The following NLRP5 variants were observed in gnomAD, a reference collection of about 807,000 sequenced individuals.
NLRP5 encodes the protein NACHT, LRR and PYD domains-containing protein 5.
Under a neutral mutation model 113.1 loss-of-function variants are expected in NLRP5, and 93 were observed. The observed-to-expected ratio is 0.82, with a 90% CI of 0.70 to 0.98. The LOEUF is 0.98. NLRP5 is among the 50% of genes least tolerant of loss of function. The pLI, the probability that NLRP5 is intolerant of heterozygous loss-of-function variation, is 0.00. For synonymous variants in NLRP5, 751 were observed against 600.7 expected (o/e 1.25, Z -3.66); for missense variants, 1,808 against 1,514.3 (o/e 1.19, Z -3.22).
intron 2 of NLRP5, 75 bp downstream of exon 2, chr19:56,004,170 C>T (rs1170630762): frequency 2.7e-6 from 4 of 1,463,486 alleles, no homozygotes; most frequent in Admixed American, 2.2e-5. Flanking sequence ...AGGGAAGAAT[C>T]GTTGTTCAGT....
Position 56,003,954 on chromosome 19 carries a change from A to G in NLRP5, c.301A>G (p.Ile101Val). The G allele has an allele frequency of 6.2e-7, 1 of 1,614,044 alleles. No homozygotes were observed. The highest frequency in any genetic ancestry group is 8.5e-7 in the Non-Finnish European group (1 of 1,179,888). The change falls in exon 2 of 15, where the codon ATC becomes GTC. Residue 101 changes from isoleucine to valine, a missense_variant. Physicochemically the swap from Ile to Val is conservative, Grantham distance 29. Coordinates refer to ENST00000390649, the MANE Select transcript of NLRP5 (RefSeq NM_153447.4). ...CACATGCTCTATTCCACAGTTTGAA[A>G]TCGAGAATGCCAACGTGGAATGTCT...
At chr19:56,008,965 T>A in intron 3 of NLRP5, 112 bp downstream of exon 3, 1 of 893,472 alleles carries the variant, frequency 1.1e-6, no homozygotes, top group Non-Finnish European at 1.8e-6. Context: ...TTCTTTCTAG[T>A]CTAACTACCC....
chr19:56,040,497 G>T (rs530586071), intron 10 of NLRP5, among the ~76,000 whole-genome samples: 81 of 152,302 alleles, frequency 5.3e-4, no homozygotes, highest in South Asian at 1.0e-3. Flanking sequence ...GAACCTGAGA[G>T]CAGAGGTTGC....
chr19:55,993,150 G>C, the NLRP5 span, among the ~76,000 whole-genome samples: 1 of 151,714 alleles, frequency 6.6e-6, no homozygotes. Flanking sequence ...CGCCCGGCCC[G>C]AGTGATATTT....
intron 3 of NLRP5, among the ~76,000 whole-genome samples, chr19:56,013,858 A>G (rs1982306416): frequency 6.6e-6 from 1 of 152,118 alleles, no homozygotes; most frequent in Non-Finnish European, 1.5e-5. Context: ...TAACCATCCT[A>G]GTAGTTATGA....
At chr19:56,053,616 C>A in intron 12 of NLRP5, 22 bp from the exon 13 acceptor site, 2 of 1,605,004 alleles carry the variant, frequency 1.2e-6, no homozygotes, top group Non-Finnish European at 8.5e-7. Context: ...GGCAGACTCT[C>A]TCTATTCCCC....
Position 56,061,575 on chromosome 19 carries a change from T to A in NLRP5, c.*47T>A. 6.2e-7 allele frequency: 1 copy of A among 1,608,124 alleles called. No homozygotes were observed. Among genetic ancestry groups the A allele is most frequent in the Non-Finnish European group, 8.5e-7 (1 of 1,175,830 alleles). ...TCACACCCATCTGATGGAGGAACTTTAAACGCTGTTTTCTCAGAGCAAGCT... is the reference window on the plus strand; with the variant it reads ...TCACACCCATCTGATGGAGGAACTTAAAACGCTGTTTTCTCAGAGCAAGCT... On this transcript the variant is annotated 3_prime_UTR_variant, in exon 15 of 15. Coordinates refer to ENST00000390649, the MANE Select transcript of NLRP5 (RefSeq NM_153447.4).
chr19:56,007,876 TGTGTGTGTGTGTGCGCGTGCGC>T (rs1435863037), intron 2 of NLRP5, among the ~76,000 whole-genome samples: 2 of 115,992 alleles, frequency 1.7e-5, no homozygotes, highest in Non-Finnish European at 3.8e-5. Flanking sequence ...AGTTTGTGTG[TGTGTGTGTGTGTGCGCGTGCGC>T]GCGTGCGTGT....
At chr19:56,043,421 T>C (rs1050292264) in intron 11 of NLRP5, among the ~76,000 whole-genome samples, 2 of 152,106 alleles carry the variant, frequency 1.3e-5, no homozygotes, top group African/African-American at 2.4e-5. Flanking sequence ...TCTATTCATG[T>C]CCTTAGCCCA....
intron 14 of NLRP5, among the ~76,000 whole-genome samples, chr19:56,059,621 G>T (rs999241458): frequency 6.6e-6 from 1 of 152,168 alleles, no homozygotes; most frequent in Non-Finnish European, 1.5e-5. Flanking sequence ...TGCAACCTCC[G>T]TCTCGCAGGT....
At chr19:55,999,403 A>G (rs1162155987), upstream of NLRP5, among the ~76,000 whole-genome samples, 1 of 151,830 alleles carries the variant, frequency 6.6e-6, no homozygotes, top group Non-Finnish European at 1.5e-5. Context: ...TTTAGTAGAA[A>G]TGGGGTTTCA....
At chr19:56,048,867 A>C (rs906520048) in intron 11 of NLRP5, among the ~76,000 whole-genome samples, 1 of 150,872 alleles carries the variant, frequency 6.6e-6, no homozygotes, top group Non-Finnish European at 1.5e-5. Context: ...TTAGGTTTGC[A>C]TTTAACATAA....
intron 11 of NLRP5, among the ~76,000 whole-genome samples, chr19:56,045,947 C>G (rs1983707205): frequency 6.6e-6 from 1 of 152,144 alleles, no homozygotes; most frequent in African/African-American, 2.4e-5. Context: ...CTCCAAGAGG[C>G]CTTCTGGATG....
intron 11 of NLRP5, among the ~76,000 whole-genome samples, chr19:56,048,213 G>C (rs1290755171): frequency 6.6e-6 from 1 of 152,180 alleles, no homozygotes; most frequent in African/African-American, 2.4e-5. Flanking sequence ...TTTACATTCA[G>C]TGTTAGGATG....
Position 56,005,642 on chromosome 19 carries a change from A to ACGCGCG in NLRP5, c.442+1549_442+1554dup, listed in dbSNP as rs147680527. ...TATATTTATACACACACACACACAC[A>ACGCGCG]CGCGCGCAGGTGGCATGCCTGCACA... is the stretch of plus-strand genomic sequence containing the variant. On this transcript the variant is annotated intron_variant, in intron 2 of 14. Transcript: ENST00000390649. Among the ~76,000 whole-genome samples, 52 of 142,120 alleles carry ACGCGCG rather than the reference A, an allele frequency of 3.7e-4. 1 individual carries two copies. Among genetic ancestry groups the ACGCGCG allele is most frequent in the African/African-American group, 1.2e-3 (44 of 36,620 alleles). The allele number at this position is 142,120 out of a possible 152,430, so 93.2% of individuals were successfully genotyped here. A position where few individuals can be genotyped will look rare whatever the true frequency, so the allele number is the denominator to read the frequency against.
chr19:55,989,219 GA>G, the NLRP5 span, among the ~76,000 whole-genome samples: 2 of 152,118 alleles, frequency 1.3e-5, no homozygotes, highest in African/African-American at 4.8e-5. Context: ...CTACTAAAAT[GA>G]TTTTTTAATG....
chr19:56,005,196 T>TATACAC (rs1168290976), intron 2 of NLRP5, among the ~76,000 whole-genome samples: 1 of 140,014 alleles, frequency 7.1e-6, no homozygotes, highest in Non-Finnish European at 1.5e-5. Flanking sequence ...CATATTTTTA[T>TATACAC]ATACACATAC....
At chr19:56,030,704 C>G (rs1021462038) in intron 7 of NLRP5, among the ~76,000 whole-genome samples, 5 of 46,534 alleles carry the variant, frequency 1.1e-4, no homozygotes, top group Non-Finnish European at 1.6e-4. Flanking sequence ...CATTCATTCG[C>G]TTTCTTCTTC....
rs770624516 is a variant in NLRP5, at chr19:56,030,714, C to CTT, written c.2277-1880_2277-1879dup. On this transcript the variant is annotated intron_variant, in intron 7 of 14. Transcript: ENST00000390649. ...ACTTACATTCATTCGCTTTCTTCTT[C>CTT]TTTTTTTTTTTTTTTTTTGAGACGG... Among the ~76,000 whole-genome samples, 29 of 71,356 alleles carry CTT rather than the reference C, an allele frequency of 4.1e-4. 3 individuals carry two copies. Among genetic ancestry groups the CTT allele is most frequent in the African/African-American group, 2.0e-3 (28 of 13,968 alleles). 46.8% of individuals were successfully genotyped at this position (71,356 alleles called of 152,430 possible). A position where few individuals can be genotyped will look rare whatever the true frequency, so the allele number is the denominator to read the frequency against.
Sources: allele counts gnomAD v4.1 joint callset (sites outside exome capture counted in the v4.1 genomes callset), GRCh38; gene constraint gnomAD v4.1.1; transcripts MANE v1.5; gene names NCBI Gene and HGNC (gene_info 2026-07-23, HGNC 2026-07-21).